GPC6: variants seen among roughly 807,000 people sequenced by gnomAD.
GPC6 encodes glypican-6.
Under a neutral mutation model 55.2 loss-of-function variants are expected in GPC6, and 14 were observed. The observed-to-expected ratio is 0.25, with a 90% CI of 0.17 to 0.40. GPC6 has a LOEUF of 0.40. GPC6 is among the 10% of genes least tolerant of loss of function. The pLI is 1.00. For missense variants in GPC6, 641 were observed against 708.5 expected (o/e 0.90, Z 1.08); for synonymous variants, 278 against 259.6 (o/e 1.07, Z -0.68).
At chr13:93,321,288 T>A (rs563454744) in intron 1 of GPC6, among the ~76,000 whole-genome samples, 1 of 152,162 alleles carries the variant, frequency 6.6e-6, no homozygotes, top group Non-Finnish European at 1.5e-5. Context: ...TTTCATTAAT[T>A]GGGTGCCTGA....
chr13:93,975,625 A>G (rs1284644685), intron 3 of GPC6, among the ~76,000 whole-genome samples: 1 of 152,172 alleles, frequency 6.6e-6, no homozygotes, highest in Admixed American at 6.5e-5. Context: ...TCACAATCTT[A>G]GTTCTGTTGA....
At chr13:93,236,741 G>A (rs1196628322) in intron 1 of GPC6, among the ~76,000 whole-genome samples, 1 of 152,104 alleles carries the variant, frequency 6.6e-6, no homozygotes, top group East Asian at 1.9e-4. Context: ...TGCCAAAAAG[G>A]TTGGGGACTG....
At chr13:93,873,841 C>G (rs1207485639) in intron 3 of GPC6, among the ~76,000 whole-genome samples, 1 of 151,892 alleles carries the variant, frequency 6.6e-6, no homozygotes, top group Non-Finnish European at 1.5e-5. Flanking sequence ...TACAAAAGAA[C>G]ACAGAGGCAT....
At chr13:94,259,757 G>C (rs150898530) in intron 4 of GPC6, among the ~76,000 whole-genome samples, 226 of 152,182 alleles carry the variant, frequency 1.5e-3, no homozygotes, top group African/African-American at 5.2e-3. Flanking sequence ...GAATCACATA[G>C]TATTTGTCCT....
At chr13:93,807,290 A>C (rs528036444) in intron 2 of GPC6, among the ~76,000 whole-genome samples, 54 of 152,328 alleles carry the variant, frequency 3.5e-4, no homozygotes, top group African/African-American at 1.3e-3. Flanking sequence ...CTAATGAATA[A>C]AAATGACTGG....
At chr13:94,194,983 G>A (rs1459925337) in intron 4 of GPC6, among the ~76,000 whole-genome samples, 1 of 152,124 alleles carries the variant, frequency 6.6e-6, no homozygotes, top group Non-Finnish European at 1.5e-5. Context: ...TCTAAGAGGA[G>A]TATGAGAAGT....
intron 1 of GPC6, among the ~76,000 whole-genome samples, chr13:93,473,274 C>T (rs997382633): frequency 1.3e-5 from 2 of 152,178 alleles, no homozygotes; most frequent in African/African-American, 4.8e-5. Context: ...TTGAACTGCC[C>T]TAAGCCCCTA....
intron 3 of GPC6, among the ~76,000 whole-genome samples, chr13:93,909,876 T>C (rs1182337858): frequency 6.6e-6 from 1 of 152,120 alleles, no homozygotes; most frequent in Non-Finnish European, 1.5e-5. Flanking sequence ...CCTTCTCCCT[T>C]CCTGCCTCCC....
intron 3 of GPC6, among the ~76,000 whole-genome samples, chr13:93,983,729 C>T (rs1880905259): frequency 6.6e-6 from 1 of 151,098 alleles, no homozygotes; most frequent in Non-Finnish European, 1.5e-5. Flanking sequence ...TCCAAACTTC[C>T]AATATTGAAC....
chr13:93,795,021 T>A (rs1232933317), intron 2 of GPC6, among the ~76,000 whole-genome samples: 1 of 152,194 alleles, frequency 6.6e-6, no homozygotes, highest in African/African-American at 2.4e-5. Flanking sequence ...AAAATTCTGT[T>A]GTGGAAATGA....
At chr13:93,864,667 A>G (rs1402739352) in intron 3 of GPC6, among the ~76,000 whole-genome samples, 6 of 151,754 alleles carry the variant, frequency 4.0e-5, no homozygotes, top group Non-Finnish European at 8.8e-5. Context: ...CAATGACCTT[A>G]TAAGATAGCT....
At chr13:93,505,555 G>A (rs1473046222) in intron 1 of GPC6, among the ~76,000 whole-genome samples, 1 of 152,084 alleles carries the variant, frequency 6.6e-6, no homozygotes, top group Admixed American at 6.6e-5. Flanking sequence ...TATCTGACAT[G>A]CATATTTTCT....
chr13:94,379,201 A>C (rs1178242323), intron 6 of GPC6, among the ~76,000 whole-genome samples: 1 of 152,254 alleles, frequency 6.6e-6, no homozygotes, highest in African/African-American at 2.4e-5. Flanking sequence ...ATATTGAAAA[A>C]TAAACTGCCA....
intron 3 of GPC6, among the ~76,000 whole-genome samples, chr13:93,980,775 A>G (rs1465669030): frequency 1.3e-5 from 2 of 152,178 alleles, no homozygotes; most frequent in Non-Finnish European, 2.9e-5. Context: ...CCCTTTGCCC[A>G]GAGGCAGGAT....
chr13:93,743,033 G>A (rs1036800925), intron 2 of GPC6, among the ~76,000 whole-genome samples: 1 of 152,160 alleles, frequency 6.6e-6, no homozygotes, highest in Non-Finnish European at 1.5e-5. Flanking sequence ...AAACGTGGAG[G>A]TACAGAAATA....
intron 4 of GPC6, among the ~76,000 whole-genome samples, chr13:94,224,901 C>T (rs566581768): frequency 1.4e-4 from 22 of 152,254 alleles, no homozygotes; most frequent in Non-Finnish European, 2.1e-4. Context: ...TGTGCTTTGT[C>T]TTCAGGACCG....
At chr13:93,885,200 T>A (rs1184438005) in intron 3 of GPC6, among the ~76,000 whole-genome samples, 2 of 151,724 alleles carry the variant, frequency 1.3e-5, no homozygotes, top group Non-Finnish European at 2.9e-5. Context: ...AATTTGGTGA[T>A]GTAAAGGCTG....
At chr13:93,224,715 C>G (rs567375586), upstream of GPC6, among the ~76,000 whole-genome samples, 7 of 152,246 alleles carry the variant, frequency 4.6e-5, no homozygotes, top group African/African-American at 9.6e-5. Flanking sequence ...TGCTGTGGCT[C>G]TCAGTGTTAA....
intron 4 of GPC6, among the ~76,000 whole-genome samples, chr13:94,113,331 G>A (rs1886315867): frequency 6.6e-6 from 1 of 151,668 alleles, no homozygotes; most frequent in African/African-American, 2.4e-5. Context: ...GGACCCTCAG[G>A]AGCCAAAAAA....
Sources: allele counts gnomAD v4.1 joint callset (sites outside exome capture counted in the v4.1 genomes callset), GRCh38; gene constraint gnomAD v4.1.1; transcripts MANE v1.5; gene names NCBI Gene and HGNC (gene_info 2026-07-23, HGNC 2026-07-21).